Variants in FRK observed in about 807,000 individuals in gnomAD.
FRK encodes the protein tyrosine-protein kinase FRK.
In FRK, 51 loss-of-function variants were observed where a neutral mutation model predicts 56.4. That is an observed-to-expected ratio of 0.90 (90% CI 0.72 to 1.14). The LOEUF (loss-of-function observed/expected upper bound fraction) is 1.14, where lower values mean the gene tolerates loss of function less well. Among genes scored for constraint, FRK ranks in the 50% most tolerant of loss-of-function variants. The probability of loss-of-function intolerance (pLI) is 0.00; values close to 1 mark genes in which losing one functional copy is unlikely to be tolerated. For missense variants in FRK, 570 were observed against 601.4 expected, an observed-to-expected ratio of 0.95 and a Z score of 0.55; for synonymous variants, 245 against 217.9, an observed-to-expected ratio of 1.12 and a Z score of -1.10.
the FRK span, among the ~76,000 whole-genome samples, chr6:116,079,268 T>C: frequency 1.3e-5 from 2 of 152,162 alleles, no homozygotes; most frequent in East Asian, 3.8e-4. Flanking sequence ...TCTGATGGAT[T>C]ATAGTAATAG....
intron 2 of FRK, among the ~76,000 whole-genome samples, chr6:115,982,593 G>C (rs971437881): frequency 9.9e-5 from 15 of 152,100 alleles, no homozygotes; most frequent in Admixed American, 7.9e-4. Context: ...CACTTTGAAG[G>C]CTGGCTAATC....
At chr6:116,024,762 G>A (rs1390352654) in intron 1 of FRK, among the ~76,000 whole-genome samples, 1 of 152,076 alleles carries the variant, frequency 6.6e-6, no homozygotes, top group African/African-American at 2.4e-5. Context: ...ATGATTTATA[G>A]TCCTTTGGGT....
chr6:116,058,584 A>G (rs145798048), intron 1 of FRK, among the ~76,000 whole-genome samples: 24 of 152,294 alleles, frequency 1.6e-4, no homozygotes, highest in Admixed American at 2.0e-4. Flanking sequence ...AGAATCTCCA[A>G]TGGTTTCCCT....
At position 115,944,336 on chromosome 6, in the gene FRK, A is replaced by T. The variant is rs566584137; in HGVS notation, c.1048T>A (p.Tyr350Asn). Residue 350 changes from tyrosine (Y) to asparagine (N), a missense_variant, in exon 6 of 8, where the codon TAC (tyrosine) becomes AAC (asparagine). By Grantham distance (143) the Tyr-to-Asn change is moderately radical. Transcript: ENST00000606080. The stretch of plus-strand genomic sequence containing the variant: ...CTGGCAGCCAGATCTCTGTGAATGT[A>T]GTTCCGAGACTCCAGATAGGCCATT... ...SGMAYLESRN[Y>N]IHRDLAARNV... is the part of the protein sequence containing the mutation. 196 of 1,613,130 alleles carry T rather than the reference A, an allele frequency of 1.2e-4. 2 individuals are homozygous for T. In the South Asian group the frequency reaches 2.1e-3, roughly 17 times the overall value.
At chr6:116,063,953 C>T (rs771766358), upstream of FRK, among the ~76,000 whole-genome samples, 48 of 152,260 alleles carry the variant, frequency 3.2e-4, no homozygotes, top group South Asian at 6.2e-4. Context: ...AATCTGACTC[C>T]AGAGCCTGAG....
intron 2 of FRK, among the ~76,000 whole-genome samples, chr6:115,994,120 C>A (rs141505275): frequency 1.3e-5 from 2 of 152,064 alleles, no homozygotes; most frequent in East Asian, 3.9e-4. Flanking sequence ...TGAAAAAGTT[C>A]TATTTCTTTG....
chr6:115,990,906 T>C (rs184165520), intron 2 of FRK, among the ~76,000 whole-genome samples: 3 of 152,112 alleles, frequency 2.0e-5, no homozygotes, highest in Admixed American at 6.6e-5. Flanking sequence ...TCCATGAGCA[T>C]GGGATGTTTT....
rs897941255 is a variant in FRK at position 115,941,639 on chromosome 6, CAG to C, written c.*773_*774del. 19 of 152,106 alleles carry C rather than the reference CAG, an allele frequency of 1.2e-4. No individual in the cohort carries two copies. The highest frequency in any genetic ancestry group is 4.3e-4 in the African/African-American group (18 of 41,422). 9.4% of individuals were successfully genotyped at this position (152,106 alleles called of 1,614,324 possible). ...CTAAACTATTTTGATACCTATTTCT[CAG>C]ACTTTATGGGCTATTAGACATTTCT... is the stretch of plus-strand genomic sequence containing the variant. On this transcript the variant is annotated 3_prime_UTR_variant, in exon 8 of 8. Transcript: ENST00000606080.
chr6:115,998,306 C>T (rs1774920545), intron 2 of FRK, among the ~76,000 whole-genome samples: 1 of 152,202 alleles, frequency 6.6e-6, no homozygotes, highest in Non-Finnish European at 1.5e-5. Flanking sequence ...ATCTAACAGA[C>T]AGATTACACC....
At chr6:116,098,340 A>C in the FRK span, among the ~76,000 whole-genome samples, 1 of 151,826 alleles carries the variant, frequency 6.6e-6, no homozygotes, top group East Asian at 1.9e-4. Context: ...TGAACTCCTT[A>C]CCTCAAGCGA....
At chr6:116,025,070 T>G (rs752412336) in intron 1 of FRK, among the ~76,000 whole-genome samples, 1 of 152,166 alleles carries the variant, frequency 6.6e-6, no homozygotes, top group African/African-American at 2.4e-5. Flanking sequence ...TCTTACCTTT[T>G]TAAAAAAGGT....
chr6:115,988,748 AT>A (rs1429304643), intron 2 of FRK, among the ~76,000 whole-genome samples: 1 of 151,884 alleles, frequency 6.6e-6, no homozygotes, highest in Non-Finnish European at 1.5e-5. Flanking sequence ...ATTTCACATT[AT>A]TTTTTCAATA....
chr6:115,951,384 C>A (rs1772744812), intron 5 of FRK, among the ~76,000 whole-genome samples: 1 of 152,060 alleles, frequency 6.6e-6, no homozygotes, highest in Admixed American at 6.6e-5. Flanking sequence ...TTATTCTTCC[C>A]CATTTCATAG....
At chr6:115,948,856 G>A (rs1663393323) in intron 5 of FRK, among the ~76,000 whole-genome samples, 1 of 152,172 alleles carries the variant, frequency 6.6e-6, no homozygotes, top group South Asian at 2.1e-4. Context: ...TAACATCAGT[G>A]CTATGAATAT....
intron 5 of FRK, among the ~76,000 whole-genome samples, chr6:115,952,122 A>G (rs1224001213): frequency 1.3e-5 from 2 of 151,774 alleles, no homozygotes; most frequent in Non-Finnish European, 2.9e-5. Flanking sequence ...ATTTTCTCCC[A>G]TTTTGTAGGT....
chr6:116,029,707 C>T (rs559100573), intron 1 of FRK, among the ~76,000 whole-genome samples: 1 of 152,172 alleles, frequency 6.6e-6, no homozygotes, highest in East Asian at 1.9e-4. Flanking sequence ...CAATCACTTC[C>T]TACACAAGGA....
intron 2 of FRK, among the ~76,000 whole-genome samples, chr6:115,985,613 C>CT (rs1562271471): frequency 2.8e-4 from 43 of 152,200 alleles, no homozygotes; most frequent in Non-Finnish European, 4.9e-4. Flanking sequence ...TACTCCATGA[C>CT]GCAGTTACTT....
chr6:115,945,993 T>C (rs1772432897), intron 5 of FRK, among the ~76,000 whole-genome samples: 1 of 152,168 alleles, frequency 6.6e-6, no homozygotes, highest in African/African-American at 2.4e-5. Flanking sequence ...AAAATAATAC[T>C]GACTCCTTCT....
intron 2 of FRK, among the ~76,000 whole-genome samples, chr6:115,983,700 A>G (rs976598069): frequency 1.3e-5 from 2 of 152,058 alleles, no homozygotes; most frequent in African/African-American, 4.8e-5. Flanking sequence ...GCTGGGCATT[A>G]TACGCTATCA....
Sources: allele counts gnomAD v4.1 joint callset (sites outside exome capture counted in the v4.1 genomes callset), GRCh38; gene constraint gnomAD v4.1.1; transcripts MANE v1.5; gene names NCBI Gene and HGNC (gene_info 2026-07-23, HGNC 2026-07-21).